C16orf92: variants seen among roughly 807,000 people sequenced by gnomAD.
The protein encoded by C16orf92 is fertilization-influencing membrane protein.
A neutral mutation model predicts 13.7 loss-of-function variants in C16orf92; 14 were observed. The ratio of observed to expected loss-of-function variants is 1.02; its 90% confidence interval spans 0.67 to 1.60. The LOEUF (loss-of-function observed/expected upper bound fraction) is 1.60. Ranked by LOEUF, C16orf92 falls within the 40% of genes most tolerant of loss-of-function variation. C16orf92 has a pLI of 0.00. For missense variants in C16orf92, 116 were observed against 139.0 expected (o/e 0.83, Z 0.83); for synonymous variants, 50 against 57.4 (o/e 0.87, Z 0.58).
At chr16:30,026,285 C>T (rs1229330848), downstream of C16orf92, among the ~76,000 whole-genome samples, 3 of 152,140 alleles carry the variant, frequency 2.0e-5, no homozygotes, top group African/African-American at 4.8e-5. Context: ...AGGTGCATGA[C>T]TTGGCTGCAT....
Position 30,024,076 on chromosome 16 carries a change from T to C in C16orf92, c.301T>C (p.Cys101Arg), listed in dbSNP as rs551129579. ...VAFFFLLFQF[C>R]THINFQKGA Reference sequence around the variant, plus strand: ...GTTCTTCTTTCTCCTTTTCCAGTTCTGCACCCACATGTAAGGCCTGCCCCC... The same window carrying C: ...GTTCTTCTTTCTCCTTTTCCAGTTCCGCACCCACATGTAAGGCCTGCCCCC... Residue 101 changes from cysteine (C) to arginine (R), a missense_variant, in exon 3 of 4, where the codon TGC (cysteine) becomes CGC (arginine). Coordinates refer to ENST00000681219, the MANE Select transcript of C16orf92 (RefSeq NM_001109659.2). The C allele has an allele frequency of 1.2e-6, 2 of 1,613,346 alleles. No individual in the cohort carries two copies. Among genetic ancestry groups the C allele is most frequent in the African/African-American group, 1.3e-5 (1 of 75,008 alleles).
intron 1 of C16orf92, 71 bp downstream of exon 1, chr16:30,023,475 G>A: frequency 6.7e-7 from 1 of 1,499,152 alleles, no homozygotes. Flanking sequence ...GCCCACTTAG[G>A]GACTCGGAAG....
chr16:30,026,426 C>G (rs2071139164), downstream of C16orf92, among the ~76,000 whole-genome samples: 1 of 152,126 alleles, frequency 6.6e-6, no homozygotes, highest in South Asian at 2.1e-4. Context: ...AGGCTGCCCC[C>G]ACACCCTGGT....
rs115303964 is a variant in C16orf92 at position 30,023,689 on chromosome 16, C to A, written c.65-38C>A. 1,763 of 1,614,072 alleles carry A rather than the reference C, an allele frequency of 1.1e-3. 14 individuals carry two copies. In the African/African-American group the frequency reaches 0.021, roughly 19 times the overall value. ...CGCCTCGAGAGATAAAGGCAGGGGT[C>A]AGCTTGGCTGTTGTCACAGAGTTTG... On this transcript the variant is annotated intron_variant, in intron 1 of 3. Coordinates refer to ENST00000681219, the MANE Select transcript of C16orf92 (RefSeq NM_001109659.2).
At chr16:30,026,753 G>A (rs1194198008), downstream of C16orf92, 1 of 1,614,186 alleles carries the variant, frequency 6.2e-7, no homozygotes, top group Non-Finnish European at 8.5e-7. Context: ...CTTTGACCTG[G>A]TGCTTGTGCC....
downstream of C16orf92, chr16:30,027,643 G>A (rs1375460251): frequency 2.9e-5 from 13 of 456,010 alleles, no homozygotes; most frequent in Non-Finnish European, 4.4e-6. Flanking sequence ...AGCAAAAGGA[G>A]CCAAGGACAA....
downstream of C16orf92, chr16:30,027,203 A>C (rs552292859): frequency 2.1e-5 from 10 of 465,604 alleles, no homozygotes; most frequent in Admixed American, 1.2e-4. Flanking sequence ...ATTTGTCCTA[A>C]CCTTACCATG....
At position 30,023,630 on chromosome 16, in the gene C16orf92, G is replaced by A. The variant is rs374959598; in HGVS notation, c.65-97G>A. ...GACCCTCCACAGCCTCTGCAATAAG[G>A]CTGGGTGGTCTCACAGGGTCCCAAG... On this transcript the variant is annotated intron_variant, in intron 1 of 3. Transcript: ENST00000681219. 70 of 1,597,610 alleles carry A rather than the reference G, an allele frequency of 4.4e-5. No individual in the cohort carries two copies. The African/African-American group carries it at 9.1e-4, about 21-fold the overall frequency.
chr16:30,025,518 C>A (rs1201763147), downstream of C16orf92: 5 of 1,602,376 alleles, frequency 3.1e-6, no homozygotes, highest in Admixed American at 3.4e-5. The surrounding 1 kb of genome is among the most constrained non-coding windows in gnomAD (Gnocchi z 4.1). Flanking sequence ...CTCGGCCCCC[C>A]TTGGCCCTCT....
At chr16:30,025,188 C>T, downstream of C16orf92, 1 of 1,470,554 alleles carries the variant, frequency 6.8e-7, no homozygotes, top group Non-Finnish European at 9.0e-7. The surrounding 1 kb of genome is among the most constrained non-coding windows in gnomAD (Gnocchi z 4.1). Context: ...CGGCCTCAGT[C>T]CTGGGCCTGG....
rs902785866 is a variant in C16orf92, at chr16:30,024,514, G to C, written c.*287G>C. The C allele has an allele frequency of 1.4e-5, 7 of 511,936 alleles. No individual in the cohort carries two copies. Among genetic ancestry groups the C allele is most frequent in the African/African-American group, 7.7e-5 (4 of 52,274 alleles). 31.7% of individuals were successfully genotyped at this position (511,936 alleles called of 1,614,324 possible). Reference sequence around the variant, plus strand: ...CCCAGATTGGAGGAAGCCTTGAGAGGTCAGTAGCACCAGGGACATGGCAGG... The same window carrying C: ...CCCAGATTGGAGGAAGCCTTGAGAGCTCAGTAGCACCAGGGACATGGCAGG... On this transcript the variant is annotated 3_prime_UTR_variant, in exon 4 of 4. Coordinates refer to ENST00000681219, the MANE Select transcript of C16orf92 (RefSeq NM_001109659.2).
At chr16:30,023,550 C>A in intron 1 of C16orf92, 146 bp downstream of exon 1, 2 of 1,413,802 alleles carry the variant, frequency 1.4e-6, no homozygotes, top group Middle Eastern at 1.8e-4. Context: ...CCACCTACCC[C>A]CCAACAACCG....
At chr16:30,025,408 G>A (rs1375654708), downstream of C16orf92, 1 of 1,611,954 alleles carries the variant, frequency 6.2e-7, no homozygotes, top group African/African-American at 1.3e-5. This position sits in a 1 kb window ranked among gnomAD's most constrained non-coding sequence, Gnocchi z 4.1. Flanking sequence ...GGCAGCAGAG[G>A]AAGCTGAGCA....
chr16:30,025,897 C>T, downstream of C16orf92: 2 of 1,146,298 alleles, frequency 1.7e-6, no homozygotes, highest in Non-Finnish European at 2.6e-6. The surrounding 1 kb of genome is among the most constrained non-coding windows in gnomAD (Gnocchi z 4.1). Context: ...TTCCTCTTTC[C>T]CCTCTGTCAC....
chr16:30,023,431 G>GA (rs1279997340), intron 1 of C16orf92, 27 bp downstream of exon 1: 1 of 1,605,844 alleles, frequency 6.2e-7, no homozygotes, highest in East Asian at 2.2e-5. Context: ...GGAGCAGCAG[G>GA]AAGGCAGGCA....
chr16:30,026,805 G>C, downstream of C16orf92: 1 of 1,614,152 alleles, frequency 6.2e-7, no homozygotes, highest in Non-Finnish European at 8.5e-7. Context: ...GATGAAGTAG[G>C]GCACAGCAAA....
At chr16:30,026,773 G>A, downstream of C16orf92, 1 of 1,614,180 alleles carries the variant, frequency 6.2e-7, no homozygotes. Flanking sequence ...CAGTGACAGA[G>A]GAACATGGCG....
chr16:30,026,713 C>A (rs770943688), downstream of C16orf92: 1 of 1,614,038 alleles, frequency 6.2e-7, no homozygotes, highest in Admixed American at 1.7e-5. Context: ...CTGCCCGGGG[C>A]TCTGGCCGCT....
chr16:30,023,651 C>T, intron 1 of C16orf92, 76 bp from the exon 2 acceptor site: 1 of 1,613,234 alleles, frequency 6.2e-7, no homozygotes, highest in African/African-American at 1.3e-5. Context: ...TCACAGGGTC[C>T]CAAGTCAGCT....
Sources: gnomAD v4.1 joint callset for allele counts (sites outside exome capture counted in the v4.1 genomes callset) on GRCh38, gnomAD v4.1.1 for gene constraint, Gnocchi (gnomAD v3.1) non-coding constraint, MANE v1.5 for transcripts, NCBI Gene and HGNC (gene_info 2026-07-23, HGNC 2026-07-21) for gene names.